The following CYP7B1 variants were observed in gnomAD, a reference collection of about 807,000 sequenced individuals.
CYP7B1 encodes cytochrome P450 family 7 subfamily B member 1.
A neutral mutation model predicts 42.7 loss-of-function variants in CYP7B1; 29 were observed. That is an observed-to-expected ratio of 0.68 (90% CI 0.51 to 0.93). The LOEUF is 0.93. CYP7B1 is among the 40% of genes least tolerant of loss of function. CYP7B1 has a pLI of 0.00. For synonymous variants in CYP7B1, 235 were observed against 218.2 expected, an observed-to-expected ratio of 1.08 and a Z score of -0.68; for missense variants, 655 against 600.5, an observed-to-expected ratio of 1.09 and a Z score of -0.95.
At chr8:64,706,744 A>G (rs1807005560) in intron 1 of CYP7B1, among the ~76,000 whole-genome samples, 1 of 151,988 alleles carries the variant, frequency 6.6e-6, no homozygotes, top group African/African-American at 2.4e-5. Flanking sequence ...GGAAGACCTG[A>G]GTTGGACCTT....
chr8:64,760,889 T>C (rs1807879037), intron 1 of CYP7B1, among the ~76,000 whole-genome samples: 1 of 152,186 alleles, frequency 6.6e-6, no homozygotes, highest in African/African-American at 2.4e-5. Context: ...CTTCAAAAGA[T>C]ATCTGCACTC....
chr8:64,686,447 G>T (rs1806647904), intron 1 of CYP7B1, among the ~76,000 whole-genome samples: 1 of 43,466 alleles, frequency 2.3e-5, no homozygotes, highest in African/African-American at 1.0e-4. Context: ...CCGTCCGGGA[G>T]GGAGGTTGGG....
At chr8:64,741,272 A>C (rs533232945) in intron 1 of CYP7B1, among the ~76,000 whole-genome samples, 1 of 152,280 alleles carries the variant, frequency 6.6e-6, no homozygotes, top group South Asian at 2.1e-4. Context: ...GAAGAAATAA[A>C]ATTTTCTTTG....
At chr8:64,638,036 G>A (rs186227306) in intron 1 of CYP7B1, among the ~76,000 whole-genome samples, 2 of 151,766 alleles carry the variant, frequency 1.3e-5, no homozygotes, top group East Asian at 1.9e-4. Context: ...TATACTCTCC[G>A]ATTATACCTT....
intron 1 of CYP7B1, among the ~76,000 whole-genome samples, chr8:64,749,436 G>A (rs982879155): frequency 3.9e-5 from 6 of 152,254 alleles, no homozygotes; most frequent in East Asian, 1.9e-4. Context: ...AGATTAGAAG[G>A]GGGTAGAGAG....
At chr8:64,748,416 G>A (rs1807678633) in intron 1 of CYP7B1, among the ~76,000 whole-genome samples, 1 of 152,102 alleles carries the variant, frequency 6.6e-6, no homozygotes, top group African/African-American at 2.4e-5. Flanking sequence ...TTCAAATCCA[G>A]TAAGTACTTC....
chr8:64,590,304 G>T (rs540662670), downstream of CYP7B1, among the ~76,000 whole-genome samples: 1 of 152,228 alleles, frequency 6.6e-6, no homozygotes, highest in South Asian at 2.1e-4. Context: ...AGTGTCCCAG[G>T]AAAATACTGT....
chr8:64,658,690 T>C (rs1441937689), intron 1 of CYP7B1, among the ~76,000 whole-genome samples: 2 of 152,198 alleles, frequency 1.3e-5, no homozygotes, highest in Non-Finnish European at 2.9e-5. Flanking sequence ...CTCATTTATG[T>C]TGTTAGGTTG....
In CYP7B1 at chr8:64,758,780, A is replaced by C. The variant is rs143213082; in HGVS notation, c.122+39686T>G. On this transcript the variant is annotated intron_variant, in intron 1 of 5. Coordinates refer to ENST00000310193, the MANE Select transcript of CYP7B1 (RefSeq NM_004820.5). ...CTTCACTGTGGTAAGGATCAGATGG[A>C]ATAATGCATGAACCAGAGTACTGTT... Among the ~76,000 whole-genome samples the C allele has an allele frequency of 7.7e-4, 118 of 152,334 alleles. 1 individual carries two copies. Among genetic ancestry groups the C allele is most frequent in the Middle Eastern group, 3.4e-3 (1 of 294 alleles).
At chr8:64,722,165 T>C (rs1585876847) in intron 1 of CYP7B1, among the ~76,000 whole-genome samples, 4 of 152,340 alleles carry the variant, frequency 2.6e-5, no homozygotes, top group Admixed American at 2.6e-4. Flanking sequence ...TGAAGTTCCT[T>C]TTGCATCTTA....
intron 5 of CYP7B1, among the ~76,000 whole-genome samples, chr8:64,598,551 G>A (rs760976399): frequency 1.6e-4 from 25 of 152,104 alleles, no homozygotes; most frequent in South Asian, 1.5e-3. Flanking sequence ...GCCAGCAAAC[G>A]CAAAATGAAA....
intron 1 of CYP7B1, among the ~76,000 whole-genome samples, chr8:64,655,772 C>T (rs77971005): frequency 0.74 from 112,499 of 152,146 alleles, 41,925 homozygotes; most frequent in African/African-American, 0.83. Context: ...TAAATGCTCA[C>T]CAATGAAACA....
At chr8:64,706,777 CAT>C (rs1482379846) in intron 1 of CYP7B1, among the ~76,000 whole-genome samples, 2 of 151,974 alleles carry the variant, frequency 1.3e-5, no homozygotes, top group East Asian at 1.9e-4. Context: ...ACATCAAGCA[CAT>C]GTCTTTCCTC....
chr8:64,790,950 G>A (rs745700534), intron 1 of CYP7B1, among the ~76,000 whole-genome samples: 6 of 152,170 alleles, frequency 3.9e-5, no homozygotes, highest in Non-Finnish European at 7.3e-5. Context: ...GAGGGGAAAT[G>A]TAGACACAGA....
chr8:64,712,064 C>G (rs760863582), intron 1 of CYP7B1, among the ~76,000 whole-genome samples: 1 of 152,100 alleles, frequency 6.6e-6, no homozygotes, highest in Non-Finnish European at 1.5e-5. Flanking sequence ...AGCACTGGCA[C>G]ATGTTGACAA....
intron 1 of CYP7B1, among the ~76,000 whole-genome samples, chr8:64,694,622 T>C (rs1211202365): frequency 1.3e-5 from 2 of 152,166 alleles, no homozygotes; most frequent in Non-Finnish European, 2.9e-5. Context: ...CAGAATAATT[T>C]TGTCTGTTGA....
intron 4 of CYP7B1, among the ~76,000 whole-genome samples, chr8:64,610,112 T>G (rs1805342120): frequency 6.6e-6 from 1 of 152,240 alleles, no homozygotes; most frequent in South Asian, 2.1e-4. Context: ...AGTTGATATT[T>G]AGATCTAAAT....
At chr8:64,639,091 A>G (rs573668909) in intron 1 of CYP7B1, among the ~76,000 whole-genome samples, 64 of 152,028 alleles carry the variant, frequency 4.2e-4, no homozygotes, top group African/African-American at 1.5e-3. Context: ...ACATCTATAG[A>G]AGGTGTTTTT....
chr8:64,731,878 C>T (rs1807416394), intron 1 of CYP7B1, among the ~76,000 whole-genome samples: 1 of 152,222 alleles, frequency 6.6e-6, no homozygotes, highest in Admixed American at 6.5e-5. Context: ...AGCCCCAAGC[C>T]TTGGTGGCTT....
Sources: allele counts gnomAD v4.1 joint callset (sites outside exome capture counted in the v4.1 genomes callset), GRCh38; gene constraint gnomAD v4.1.1; transcripts MANE v1.5; gene names NCBI Gene and HGNC (gene_info 2026-07-23, HGNC 2026-07-21).